The following MGAM variants were observed in gnomAD, a reference collection of about 807,000 sequenced individuals.
MGAM encodes alpha-1,4-glucosidase.
In MGAM, 253 loss-of-function variants were observed where a neutral mutation model predicts 358.8. The ratio of observed to expected loss-of-function variants is 0.71; its 90% CI spans 0.64 to 0.78. MGAM has a LOEUF of 0.78. MGAM is among the 30% of genes least tolerant of loss of function. The pLI is 0.00. For synonymous variants in MGAM, 1,105 were observed against 1,227.1 expected, an observed-to-expected ratio of 0.90 and a Z score of 2.08; for missense variants, 3,080 against 3,432.6, an observed-to-expected ratio of 0.90 and a Z score of 2.57.
intron 26 of MGAM, 125 bp from the exon 27 acceptor site, chr7:142,054,629 C>T: frequency 9.2e-7 from 1 of 1,081,606 alleles, no homozygotes; most frequent in Non-Finnish European, 1.3e-6. Flanking sequence ...AATTAAATCT[C>T]AGATATCATA....
At position 142,021,707 on chromosome 7, in the gene MGAM, A is replaced by C. The variant is rs1806474625; in HGVS notation, c.680A>C (p.Lys227Thr). The C allele has an allele frequency of 1.2e-6, 2 of 1,613,820 alleles. No homozygotes were observed. Among genetic ancestry groups the C allele is most frequent in the African/African-American group, 2.7e-5 (2 of 74,932 alleles). Residue 227 changes from lysine (K) to threonine (T), a missense_variant, in exon 6 of 71, where the codon AAA (lysine) becomes ACA (threonine). Physicochemically the swap from Lys to Thr is moderately conservative, Grantham distance 78 (BLOSUM62 -1). This residue lies in a region of MGAM where 1,816 missense variants were observed against 1,840.5 expected (regional missense o/e 0.99). Transcript: ENST00000475668. ...VEISRQPFSI[K>T]VTRRSNNRVL... ...ATCTCCAGACAGCCATTTAGCATCA[A>C]AGTGACCAGAAGAAGCAACAATCGT...
intron 9 of MGAM, 100 bp downstream of exon 9, chr7:142,027,327 G>T: frequency 2.0e-6 from 2 of 978,040 alleles, no homozygotes; most frequent in Middle Eastern, 2.2e-4. Flanking sequence ...AAAATCTGCT[G>T]TTACAAATTT....
At chr7:142,055,287 C>G (rs1209703427) in intron 27 of MGAM, among the ~76,000 whole-genome samples, 1 of 151,974 alleles carries the variant, frequency 6.6e-6, no homozygotes, top group Non-Finnish European at 1.5e-5. Flanking sequence ...TGGAGTGGTC[C>G]CAGCTGTGAT....
rs1254322572 is a variant in MGAM, at chr7:142,042,197, T to G, written c.2498+1351T>G. Among the ~76,000 whole-genome samples, 2 of 986 alleles carry G rather than the reference T, an allele frequency of 2.0e-3. 1 individual carries two copies. The highest frequency in any genetic ancestry group is 2.7e-3 in the Non-Finnish European group (2 of 748). 0.6% of individuals were successfully genotyped at this position (986 alleles called of 152,430 possible). A position where few individuals can be genotyped will look rare whatever the true frequency, so the allele number is the denominator to read the frequency against. ...ATATATAACATATTATATATACATATAATATATAACATATTATATATACAT... is the reference window on the plus strand; with the variant it reads ...ATATATAACATATTATATATACATAGAATATATAACATATTATATATACAT... On this transcript the variant is annotated intron_variant, in intron 21 of 70. Coordinates refer to ENST00000475668, the MANE Select transcript of MGAM (RefSeq NM_001365693.1).
upstream of MGAM, among the ~76,000 whole-genome samples, chr7:141,992,227 A>C (rs768093100): frequency 4.7e-4 from 72 of 152,256 alleles, 1 homozygote; most frequent in Middle Eastern, 3.4e-3. Context: ...TTATAAATTT[A>C]TTGATAGGTA....
rs574112628 is a variant in MGAM at position 142,021,658 on chromosome 7, G to A, written c.631G>A (p.Ala211Thr). ...GCAGTCCTTCAGTGGAAATGCTGCT[G>A]CTTCTTTGACCTACCAAGTTGAAAT... ...HVQSFSGNAA[A>T]SLTYQVEISR... The change falls in exon 6 of 71, where the codon GCT becomes ACT. Residue 211 changes from alanine (A) to threonine (T), a missense_variant. By Grantham distance (58) the Ala-to-Thr change is moderately conservative. Transcript: ENST00000475668. The A allele has an allele frequency of 1.4e-5, 23 of 1,613,938 alleles. No individual in the cohort carries two copies. In the African/African-American group the frequency reaches 2.7e-4, roughly 19 times the overall value.
chr7:142,034,020 T>G (rs1177169935), intron 14 of MGAM, among the ~76,000 whole-genome samples: 1 of 152,244 alleles, frequency 6.6e-6, no homozygotes, highest in Non-Finnish European at 1.5e-5. Flanking sequence ...TACTTCCAAG[T>G]GTCTGCCTCT....
intron 3 of MGAM, among the ~76,000 whole-genome samples, chr7:142,017,909 A>G (rs1806100609): frequency 1.3e-5 from 2 of 152,236 alleles, no homozygotes; most frequent in Non-Finnish European, 2.9e-5. Flanking sequence ...ATGGATAGTA[A>G]GAGAACCAAG....
chr7:142,046,359 C>A (rs998878334), intron 21 of MGAM, among the ~76,000 whole-genome samples: 2 of 151,562 alleles, frequency 1.3e-5, no homozygotes, highest in Non-Finnish European at 2.9e-5. Flanking sequence ...GCTTGGTGAT[C>A]TTATTTTTTT....
chr7:142,006,173 A>T (rs182656128), intron 2 of MGAM, among the ~76,000 whole-genome samples: 11 of 152,128 alleles, frequency 7.2e-5, no homozygotes, highest in African/African-American at 2.7e-4. Flanking sequence ...TTTGTAATGC[A>T]GTCTTTTTTA....
intron 5 of MGAM, 39 bp downstream of exon 5, chr7:142,021,122 G>T: frequency 6.9e-7 from 1 of 1,447,032 alleles, no homozygotes; most frequent in Non-Finnish European, 9.5e-7. Flanking sequence ...TTTTTTGAGA[G>T]ACTTTTATTC....
chr7:141,994,865 T>TG (rs1166078691), upstream of MGAM, among the ~76,000 whole-genome samples: 4 of 152,204 alleles, frequency 2.6e-5, no homozygotes, highest in African/African-American at 9.6e-5. Context: ...TTCCCACCCT[T>TG]GCGGAACTGA....
rs1814611335 is a variant in MGAM at position 142,084,772 on chromosome 7, A to G, written c.6507+128A>G. 1.7e-5 allele frequency: 22 copies of G among 1,275,922 alleles called. 4 individuals are homozygous for G. In the South Asian group the frequency reaches 2.8e-4, roughly 16 times the overall value. The allele number at this position is 1,275,922 out of a possible 1,614,324, so 79.0% of individuals were successfully genotyped here. On this transcript the variant is annotated intron_variant, in intron 54 of 70. Transcript: ENST00000475668. ...TTCTTTTTCAGACAATATCACAGTTAGCCTCACCCCAGCACAGTAATAGAG... is the reference window on the plus strand; with the variant it reads ...TTCTTTTTCAGACAATATCACAGTTGGCCTCACCCCAGCACAGTAATAGAG...
chr7:142,071,312 T>C (rs888915657), intron 44 of MGAM, among the ~76,000 whole-genome samples, 194 bp downstream of exon 44: 2 of 146,742 alleles, frequency 1.4e-5, no homozygotes, highest in Non-Finnish European at 3.1e-5. Flanking sequence ...AACAACTCTT[T>C]TAAGTCTAAG....
intron 21 of MGAM, among the ~76,000 whole-genome samples, chr7:142,045,257 TAATA>T (rs1810015075): frequency 9.7e-6 from 1 of 102,880 alleles, no homozygotes; most frequent in African/African-American, 4.2e-5. Flanking sequence ...ATATGATATA[TAATA>T]TATATTATAT....
Position 142,099,683 on chromosome 7 carries a change from T to A in MGAM, c.7820T>A (p.Val2607Asp). The A allele has an allele frequency of 1.2e-6, 2 of 1,613,980 alleles. No individual in the cohort carries two copies. The highest frequency in any genetic ancestry group is 1.3e-5 in the African/African-American group (1 of 75,026). ...CCTCTTGACCACATTAATCTTCATG[T>A]CCGTGGGGGCTACATCCTGCCCTGG... Reference protein sequence around the residue: ...PAPLDHINLHVRGGYILPWQE... With the variant: ...PAPLDHINLHDRGGYILPWQE... Residue 2607 changes from valine (V) to aspartate (D), a missense_variant, in exon 67 of 71, where the codon GTC becomes GAC. This residue lies in a region of MGAM where 932 missense variants were observed against 1,198.2 expected (regional missense o/e 0.78). Transcript: ENST00000475668.
At chr7:142,022,498 C>G in intron 7 of MGAM, 59 bp downstream of exon 7, 2 of 1,535,506 alleles carry the variant, frequency 1.3e-6, no homozygotes, top group South Asian at 1.2e-5. Context: ...TTAAAGGTCA[C>G]CTCTAGTATT....
chr7:142,083,559 C>A, intron 53 of MGAM, 146 bp downstream of exon 53: 1 of 666,312 alleles, frequency 1.5e-6, no homozygotes, highest in Non-Finnish European at 2.4e-6. Flanking sequence ...AAAATAAATA[C>A]ATTCTAATCA....
intron 70 of MGAM, among the ~76,000 whole-genome samples, chr7:142,104,758 G>A (rs1816708961): frequency 6.6e-6 from 1 of 152,162 alleles, no homozygotes; most frequent in South Asian, 2.1e-4. Context: ...ACACGCTCTT[G>A]TCAGATGAAT....
Sources: gnomAD v4.1 joint callset for allele counts (sites outside exome capture counted in the v4.1 genomes callset) on GRCh38, gnomAD v4.1.1 for gene constraint, gnomAD v4.1.1 regional missense constraint, MANE v1.5 for transcripts, NCBI Gene and HGNC (gene_info 2026-07-23, HGNC 2026-07-21) for gene names.